MEPE: variants seen among roughly 807,000 people sequenced by gnomAD.
The protein encoded by MEPE is matrix, extracellular phosphoglycoprotein with ASARM motif (bone).
A neutral mutation model predicts 7.3 loss-of-function variants in MEPE; 7 were observed. That is an observed-to-expected ratio of 0.95 (90% CI 0.54 to 1.79). The LOEUF is 1.79. Among genes scored for constraint, MEPE ranks in the 40% most tolerant of loss-of-function variants. The pLI is 0.00. For missense variants in MEPE, 623 were observed against 628.2 expected (o/e 0.99, Z 0.09); for synonymous variants, 214 against 213.1 (o/e 1.00, Z -0.04).
chr4:87,837,239 C>T (rs1210426278), intron 2 of MEPE, among the ~76,000 whole-genome samples: 3 of 152,132 alleles, frequency 2.0e-5, no homozygotes, highest in East Asian at 1.9e-4. Flanking sequence ...GGTGCTGCTC[C>T]TAGGCCCCTG....
chr4:87,845,546 C>G lies in MEPE; in HGVS notation c.678C>G (p.Leu226=), dbSNP rs1205626404. The G allele has an allele frequency of 6.2e-7, 1 of 1,611,784 alleles. No individual in the cohort carries two copies. Among genetic ancestry groups the G allele is most frequent in the Non-Finnish European group, 8.5e-7 (1 of 1,179,456 alleles). The change falls in exon 4 of 4, where the codon CTC becomes CTG. Residue 226 remains leucine (L), a synonymous_variant. Transcript: ENST00000361056. ...ACAACATTGACTACCTAAAACATCT[C>G]TCAAAAGTCAAAAAAATCCCCAGTG... ...IQHNIDYLKH[L]SKVKKIPSDF... is the part of the protein sequence containing the mutation.
Position 87,846,338 on chromosome 4 carries a change from C to T in MEPE, c.1470C>T (p.Gly490=), listed in dbSNP as rs768970787. 11 of 1,614,086 alleles carry T rather than the reference C, an allele frequency of 6.8e-6. No homozygotes were observed. In the South Asian group the frequency reaches 1.2e-4, roughly 18 times the overall value. ...TRNKGMPQGK[G]SWGRQPHSNR... ...ATAAGGGTATGCCACAAGGGAAAGG[C>T]TCCTGGGGTAGACAACCCCATTCCA... The change falls in exon 4 of 4, where the codon GGC becomes GGT. Residue 490 remains glycine (G), a synonymous_variant. Coordinates refer to ENST00000361056, the MANE Select transcript of MEPE (RefSeq NM_020203.6).
rs201208969 is a variant in MEPE at position 87,846,381 on chromosome 4, C to T, written c.1513C>T (p.Arg505Cys). Residue 505 changes from arginine to cysteine, a missense_variant, in exon 4 of 4, where the codon CGT becomes TGT. Coordinates refer to ENST00000361056, the MANE Select transcript of MEPE (RefSeq NM_020203.6). ...CCATTCCAACAGGAGGTTTAGTTCC[C>T]GTAGAAGGGATGACAGTAGTGAGTC... ...QPHSNRRFSS[R>C]RRDDSSESSD... 49 of 1,613,830 alleles carry T rather than the reference C, an allele frequency of 3.0e-5. No homozygotes were observed. The highest frequency in any genetic ancestry group is 3.6e-5 in the Non-Finnish European group (43 of 1,179,940).
chr4:87,845,195 C>G lies in MEPE; in HGVS notation c.327C>G (p.His109Gln), dbSNP rs764193772. 1.2e-6 allele frequency: 2 copies of G among 1,613,876 alleles called. No individual in the cohort carries two copies. The highest frequency in any genetic ancestry group is 1.7e-6 in the Non-Finnish European group (2 of 1,179,916). Residue 109 changes from histidine to glutamine, a missense_variant, in exon 4 of 4, where the codon CAC becomes CAG. His to Gln is a conservative substitution (Grantham distance 24, BLOSUM62 0). Coordinates refer to ENST00000361056, the MANE Select transcript of MEPE (RefSeq NM_020203.6). ...EYSISNKENT[H>Q]NGLRMSIYPK... ...GTATCAGTAACAAAGAGAATACTCA[C>G]AATGGCCTGAGGATGTCAATTTATC...
At chr4:87,841,012 G>A (rs57629525) in intron 3 of MEPE, among the ~76,000 whole-genome samples, 4,356 of 152,236 alleles carry the variant, frequency 0.029, 207 homozygotes, top group African/African-American at 0.098. Flanking sequence ...TCAATGCAAA[G>A]ATAGCCATCA....
intron 1 of MEPE, among the ~76,000 whole-genome samples, chr4:87,834,076 G>T (rs1470201567): frequency 6.6e-6 from 1 of 152,192 alleles, no homozygotes; most frequent in African/African-American, 2.4e-5. Context: ...TAGGGTTGTT[G>T]TGAGGCTCAA....
intron 2 of MEPE, 72 bp downstream of exon 2, chr4:87,834,840 C>A: frequency 7.5e-7 from 1 of 1,341,742 alleles, no homozygotes; most frequent in Non-Finnish European, 1.0e-6. Flanking sequence ...TTTCAAGCAA[C>A]GTCTATTTAA....
At chr4:87,822,625 G>T (rs565039570) in intron 1 of MEPE, among the ~76,000 whole-genome samples, 1 of 152,342 alleles carries the variant, frequency 6.6e-6, no homozygotes, top group South Asian at 2.1e-4. Flanking sequence ...AGAGAGGCCA[G>T]ATGACAGATG....
intron 3 of MEPE, among the ~76,000 whole-genome samples, chr4:87,844,418 TTC>T (rs1248338532): frequency 6.6e-6 from 1 of 152,218 alleles, no homozygotes; most frequent in African/African-American, 2.4e-5. Context: ...CTCCTCTGCT[TTC>T]TCTTTTTCAT....
At chr4:87,826,785 T>C (rs937359647) in intron 1 of MEPE, among the ~76,000 whole-genome samples, 2 of 152,236 alleles carry the variant, frequency 1.3e-5, no homozygotes, top group Admixed American at 1.3e-4. Flanking sequence ...GCCACATGTA[T>C]GTCTTCTTTT....
intron 1 of MEPE, among the ~76,000 whole-genome samples, chr4:87,833,839 C>T (rs1029266958): frequency 1.3e-5 from 2 of 151,954 alleles, no homozygotes; most frequent in African/African-American, 4.8e-5. Flanking sequence ...ATATGATTTG[C>T]CTTTAAGTCA....
At chr4:87,826,380 G>GT (rs34088812) in intron 1 of MEPE, among the ~76,000 whole-genome samples, 29,106 of 146,490 alleles carry the variant, frequency 0.2, 2,946 homozygotes, top group Non-Finnish European at 0.23. Flanking sequence ...CACCACAACA[G>GT]TTTTTTTTTT....
rs548201468 is a variant in MEPE, at chr4:87,840,956, A to G, written c.108+2271A>G. ...ATCGAACAGTCAGAAATCATTTAAC[A>G]CAAGCAAATGTAAGAAAAGTTTTTT... On this transcript the variant is annotated intron_variant, in intron 3 of 3. Coordinates refer to ENST00000361056, the MANE Select transcript of MEPE (RefSeq NM_020203.6). 5.9e-5 allele frequency among the ~76,000 whole-genome samples: 9 copies of G among 152,370 alleles called. No individual in the cohort carries two copies. The South Asian group carries it at 1.9e-3, about 32-fold the overall frequency.
Position 87,838,641 on chromosome 4 carries a change from C to A in MEPE, c.64C>A (p.Pro22Thr). ...SVTWAAPTFQ[P>T]QTEKTKQSCV... Reference sequence around the variant, plus strand: ...TCTTGTTTCCTTTCAGACATTTCAACCACAGACTGAGAAAACTAAGCAAAG... The same window carrying A: ...TCTTGTTTCCTTTCAGACATTTCAAACACAGACTGAGAAAACTAAGCAAAG... Residue 22 changes from proline to threonine, a missense_variant, in exon 3 of 4, where the codon CCA becomes ACA. Transcript: ENST00000361056. The A allele has an allele frequency of 6.2e-7, 1 of 1,613,258 alleles. No homozygotes were observed. Among genetic ancestry groups the A allele is most frequent in the South Asian group, 1.1e-5 (1 of 91,016 alleles).
At chr4:87,837,262 A>G (rs917103655) in intron 2 of MEPE, among the ~76,000 whole-genome samples, 1 of 152,130 alleles carries the variant, frequency 6.6e-6, no homozygotes, top group African/African-American at 2.4e-5. Flanking sequence ...TGGGGGAACT[A>G]GGACCACAAA....
chr4:87,838,939 C>T (rs1197227183), intron 3 of MEPE, among the ~76,000 whole-genome samples: 2 of 152,212 alleles, frequency 1.3e-5, no homozygotes, highest in Non-Finnish European at 2.9e-5. Context: ...TGAAACAATG[C>T]TTTGCCAGGC....
chr4:87,841,303 T>A (rs896829738), intron 3 of MEPE, among the ~76,000 whole-genome samples: 1 of 152,194 alleles, frequency 6.6e-6, no homozygotes, highest in Non-Finnish European at 1.5e-5. Flanking sequence ...AAAACATAAA[T>A]GTCCAAGTAA....
At position 87,845,308 on chromosome 4, in the gene MEPE, T is replaced by C. The variant is rs762059655; in HGVS notation, c.440T>C (p.Ile147Thr). 1.9e-6 allele frequency: 3 copies of C among 1,613,854 alleles called. No individual in the cohort carries two copies. The Admixed American group carries it at 5.0e-5, about 27-fold the overall frequency. Residue 147 changes from isoleucine to threonine, a missense_variant, in exon 4 of 4, where the codon ATC (isoleucine) becomes ACC (threonine). Coordinates refer to ENST00000361056, the MANE Select transcript of MEPE (RefSeq NM_020203.6). ...HDQEEYGAALIRNNMQHIMGP... is the reference protein window; with the variant it reads ...HDQEEYGAALTRNNMQHIMGP... ...CAAGAAGAATATGGCGCAGCTCTCATCAGAAATAACATGCAACATATAATG... is the reference window on the plus strand; with the variant it reads ...CAAGAAGAATATGGCGCAGCTCTCACCAGAAATAACATGCAACATATAATG...
chr4:87,841,367 G>A (rs557239866), intron 3 of MEPE, among the ~76,000 whole-genome samples: 3 of 152,200 alleles, frequency 2.0e-5, no homozygotes, highest in Non-Finnish European at 4.4e-5. Flanking sequence ...TTTTTATTTA[G>A]TGATATACTA....
Sources: allele counts gnomAD v4.1 joint callset (sites outside exome capture counted in the v4.1 genomes callset), GRCh38; gene constraint gnomAD v4.1.1; transcripts MANE v1.5; gene names NCBI Gene and HGNC (gene_info 2026-07-23, HGNC 2026-07-21).